SS18L1: variants seen among roughly 807,000 people sequenced by gnomAD.
SS18L1 encodes SS18L1 subunit of BAF chromatin remodeling complex.
Under a neutral mutation model 70.3 loss-of-function variants are expected in SS18L1, and 32 were observed. The ratio of observed to expected loss-of-function variants is 0.46; its 90% confidence interval spans 0.34 to 0.61. The LOEUF (loss-of-function observed/expected upper bound fraction) is 0.61, where lower values mean the gene tolerates loss of function less well. SS18L1 is among the 20% of genes least tolerant of loss of function. The pLI is 0.01. For missense variants in SS18L1, 430 were observed against 542.1 expected, an observed-to-expected ratio of 0.79 and a Z score of 2.05; for synonymous variants, 237 against 229.7, an observed-to-expected ratio of 1.03 and a Z score of -0.29.
At position 62,161,677 on chromosome 20, in the gene SS18L1, A is replaced by G. The variant is rs2057333091; in HGVS notation, c.376+97A>G. ...CATGGTGGGGCACCCCACCCCTCACAGGGCTGGGCATGGGACCCACTCCTC... is the reference window on the plus strand; with the variant it reads ...CATGGTGGGGCACCCCACCCCTCACGGGGCTGGGCATGGGACCCACTCCTC... On this transcript the variant is annotated intron_variant, in intron 4 of 10. Coordinates refer to ENST00000331758, the MANE Select transcript of SS18L1 (RefSeq NM_198935.3). This position sits in a 1 kb window ranked among gnomAD's most constrained non-coding sequence, Gnocchi z 4.4. 6.7e-7 allele frequency: 1 copy of G among 1,482,944 alleles called. No individual in the cohort carries two copies. The highest frequency in any genetic ancestry group is 9.0e-7 in the Non-Finnish European group (1 of 1,110,388). The allele number at this position is 1,482,944 out of a possible 1,614,324, so 91.9% of individuals were successfully genotyped here.
intron 8 of SS18L1, among the ~76,000 whole-genome samples, chr20:62,169,657 T>A (rs2145769293): frequency 6.6e-6 from 1 of 152,044 alleles, no homozygotes; most frequent in Admixed American, 6.5e-5. Context: ...CGCATGTCTG[T>A]AAAGCCAGCT....
intron 1 of SS18L1, among the ~76,000 whole-genome samples, chr20:62,157,444 G>T (rs2057244111): frequency 6.6e-6 from 1 of 152,238 alleles, no homozygotes; most frequent in African/African-American, 2.4e-5. Context: ...TCAGAGACAG[G>T]CTGAGCCCCT....
At chr20:62,172,989 C>T (rs1183769464) in intron 9 of SS18L1, among the ~76,000 whole-genome samples, 188 bp downstream of exon 9, 2 of 152,244 alleles carry the variant, frequency 1.3e-5, no homozygotes, top group Non-Finnish European at 2.9e-5. Context: ...GGGTACGTGC[C>T]CGGTGACCCT....
At chr20:62,156,341 G>T (rs1262756765) in intron 1 of SS18L1, among the ~76,000 whole-genome samples, 1 of 152,126 alleles carries the variant, frequency 6.6e-6, no homozygotes, top group Non-Finnish European at 1.5e-5. Flanking sequence ...GAATGCTGGC[G>T]CCTGGCAGGT....
chr20:62,160,152 AG>A (rs1009557258), intron 3 of SS18L1, among the ~76,000 whole-genome samples, 191 bp downstream of exon 3: 3 of 146,494 alleles, frequency 2.0e-5, no homozygotes, highest in African/African-American at 7.8e-5. Flanking sequence ...GAGTAATGAC[AG>A]CGTCTGAGGT....
In SS18L1 at chr20:62,179,122, C is replaced by T. The variant is rs192090642; in HGVS notation, c.1165-60C>T. The T allele has an allele frequency of 1.3e-5, 21 of 1,594,204 alleles. No homozygotes were observed. The East Asian group carries it at 2.7e-4, about 20-fold the overall frequency. On this transcript the variant is annotated intron_variant, in intron 10 of 10. Transcript: ENST00000331758. ...TACCCCCTGTCCGGGCTGGGGTGGA[C>T]GTCTGTCTTCCTTTCACTCATTACT...
At chr20:62,160,051 G>C in intron 3 of SS18L1, 90 bp downstream of exon 3, 1 of 1,349,278 alleles carries the variant, frequency 7.4e-7, no homozygotes, top group Non-Finnish European at 1.0e-6. Context: ...ATCTCAGGTA[G>C]CAAAGATGAC....
chr20:62,153,679 T>A (rs1020731738), intron 1 of SS18L1, among the ~76,000 whole-genome samples: 2 of 152,204 alleles, frequency 1.3e-5, no homozygotes, highest in African/African-American at 2.4e-5. Flanking sequence ...GTTTTTCTTT[T>A]CAATCACTTG....
chr20:62,155,250 C>A (rs1008553574), intron 1 of SS18L1, among the ~76,000 whole-genome samples: 19 of 151,630 alleles, frequency 1.3e-4, no homozygotes, highest in East Asian at 3.9e-4. Flanking sequence ...ACAACAACAA[C>A]AAAAAAAACC....
At chr20:62,170,493 G>A (rs1247833943) in intron 8 of SS18L1, among the ~76,000 whole-genome samples, 3 of 152,068 alleles carry the variant, frequency 2.0e-5, no homozygotes, top group Non-Finnish European at 2.9e-5. Context: ...GTGACAGAGC[G>A]AGACTCCATC....
chr20:62,164,769 C>T (rs1424667769), intron 7 of SS18L1, among the ~76,000 whole-genome samples: 3 of 152,230 alleles, frequency 2.0e-5, no homozygotes, highest in Non-Finnish European at 4.4e-5. Flanking sequence ...CGGTTCACAC[C>T]TGTCATTCCG....
At chr20:62,172,913 G>A (rs1156675731) in intron 9 of SS18L1, 112 bp downstream of exon 9, 25 of 1,547,274 alleles carry the variant, frequency 1.6e-5, no homozygotes, top group Non-Finnish European at 1.9e-5. Context: ...CAGCAGCAGG[G>A]CTACGGTAAG....
rs746253864 is a variant in SS18L1 at position 62,158,745 on chromosome 20, C to T, written c.143C>T (p.Thr48Met). 73 of 1,612,836 alleles carry T rather than the reference C, an allele frequency of 4.5e-5. No individual in the cohort carries two copies. Among genetic ancestry groups the T allele is most frequent in the Non-Finnish European group, 5.7e-5 (67 of 1,180,026 alleles). ...YQSKGKTAEC[T>M]QYQQILHRNL... ...AGCAAGGGCAAGACGGCCGAGTGCACGCAGTGAGTGCCCGCCATACACCGG... is the reference window on the plus strand; with the variant it reads ...AGCAAGGGCAAGACGGCCGAGTGCATGCAGTGAGTGCCCGCCATACACCGG... Residue 48 changes from threonine (T) to methionine (M), a missense_variant, in exon 2 of 11, where the codon ACG (threonine) becomes ATG (methionine). By Grantham distance (81) the Thr-to-Met change is moderately conservative (BLOSUM62 -1). Coordinates refer to ENST00000331758, the MANE Select transcript of SS18L1 (RefSeq NM_198935.3). The surrounding 1 kb of genome is among the most constrained non-coding windows in gnomAD (Gnocchi z 4.5).
In SS18L1 at chr20:62,162,940, T is replaced by A; in HGVS notation, c.556+9T>A. ...CATGCAGTCCAACCCAGGTACCTACTCTGCCTCTGCAACCCCGGGGGGCCT... is the reference window on the plus strand; with the variant it reads ...CATGCAGTCCAACCCAGGTACCTACACTGCCTCTGCAACCCCGGGGGGCCT... On this transcript the variant is annotated intron_variant, in intron 5 of 10. Coordinates refer to ENST00000331758, the MANE Select transcript of SS18L1 (RefSeq NM_198935.3). 6.2e-7 allele frequency: 1 copy of A among 1,611,384 alleles called. No homozygotes were observed. Among genetic ancestry groups the A allele is most frequent in the Middle Eastern group, 1.7e-4 (1 of 6,058 alleles).
chr20:62,163,382 G>T, intron 5 of SS18L1, 76 bp from the exon 6 acceptor site: 2 of 1,589,148 alleles, frequency 1.3e-6, no homozygotes, highest in East Asian at 2.3e-5. Flanking sequence ...CCGCCCGGGC[G>T]CAGGAGGTAG....
At chr20:62,149,031 T>A (rs1384500285) in intron 1 of SS18L1, among the ~76,000 whole-genome samples, 1 of 152,178 alleles carries the variant, frequency 6.6e-6, no homozygotes, top group Non-Finnish European at 1.5e-5. Context: ...TCCTCGAGGC[T>A]CCGGCCCTTT....
chr20:62,155,750 G>T (rs73309144), intron 1 of SS18L1, among the ~76,000 whole-genome samples: 8,949 of 152,248 alleles, frequency 0.059, 337 homozygotes, highest in African/African-American at 0.093. Flanking sequence ...GAGCCTTGTG[G>T]GGCTTCGCAG....
In SS18L1 at chr20:62,159,642, G is replaced by A. The variant is rs1164436375; in HGVS notation, c.147-235G>A. Among the ~76,000 whole-genome samples the A allele has an allele frequency of 2.0e-5, 3 of 152,162 alleles. No homozygotes were observed. Among genetic ancestry groups the A allele is most frequent in the African/African-American group, 7.2e-5 (3 of 41,522 alleles). ...ACCTTAGAGTCTTTCCAGAGTTTTT[G>A]TCATGGGTTGGGAGCCTGCTCAGGG... On this transcript the variant is annotated intron_variant, in intron 2 of 10. Transcript: ENST00000331758. The surrounding 1 kb of genome is among the most constrained non-coding windows in gnomAD (Gnocchi z 4.4).
chr20:62,158,491 GGGA>G lies in SS18L1; in HGVS notation c.70-180_70-178del, dbSNP rs2057263086. ...TTTTGGATTTCGGGTTTTCGGATTA[GGGA>G]TGCCAAACCGGTGGGTCTAATACAG... is the stretch of plus-strand genomic sequence containing the variant. On this transcript the variant is annotated intron_variant, in intron 1 of 10. Coordinates refer to ENST00000331758, the MANE Select transcript of SS18L1 (RefSeq NM_198935.3). This position sits in a 1 kb window ranked among gnomAD's most constrained non-coding sequence, Gnocchi z 4.5. Among the ~76,000 whole-genome samples the G allele has an allele frequency of 2.6e-5, 4 of 152,122 alleles. No homozygotes were observed. The highest frequency in any genetic ancestry group is 5.9e-5 in the Non-Finnish European group (4 of 68,012).
Sources: allele counts gnomAD v4.1 joint callset (sites outside exome capture counted in the v4.1 genomes callset), GRCh38; gene constraint gnomAD v4.1.1; non-coding constraint Gnocchi (gnomAD v3.1); transcripts MANE v1.5; gene names NCBI Gene and HGNC (gene_info 2026-07-23, HGNC 2026-07-21).